The following COL26A1 variants were observed in gnomAD, a reference collection of about 807,000 sequenced individuals.
The protein encoded by COL26A1 is collagen alpha-1(XXVI) chain.
Under a neutral mutation model 59.3 loss-of-function variants are expected in COL26A1, and 41 were observed. The observed-to-expected ratio is 0.69, with a 90% CI of 0.54 to 0.90. The LOEUF (loss-of-function observed/expected upper bound fraction) is 0.90, where lower values mean the gene tolerates loss of function less well. COL26A1 is among the 40% of genes least tolerant of loss of function. The probability of loss-of-function intolerance (pLI) is 0.00; values close to 1 mark genes in which losing one functional copy is unlikely to be tolerated. For missense variants in COL26A1, 612 were observed against 602.3 expected (o/e 1.02, Z -0.17); for synonymous variants, 266 against 256.0 (o/e 1.04, Z -0.37).
At chr7:101,484,041 G>A (rs1794216192) in intron 3 of COL26A1, among the ~76,000 whole-genome samples, 1 of 141,382 alleles carries the variant, frequency 7.1e-6, no homozygotes. Flanking sequence ...GTGTAGACAA[G>A]GTCTCGCTGT....
chr7:101,443,394 G>GTTTT (rs2130363681), intron 2 of COL26A1, among the ~76,000 whole-genome samples: 1 of 152,194 alleles, frequency 6.6e-6, no homozygotes, highest in African/African-American at 2.4e-5. Context: ...AGAAATGAGC[G>GTTTT]TAACAGGATT....
intron 1 of COL26A1, among the ~76,000 whole-genome samples, chr7:101,405,606 C>T (rs116821749): frequency 1.8e-4 from 27 of 152,272 alleles, no homozygotes; most frequent in African/African-American, 6.0e-4. Context: ...ATGTGCTCCT[C>T]CCTGAATGCT....
At chr7:101,463,771 T>TTCTTTCTTTCTTTC (rs142635850) in intron 3 of COL26A1, among the ~76,000 whole-genome samples, 1 of 81,700 alleles carries the variant, frequency 1.2e-5, no homozygotes, top group Non-Finnish European at 2.2e-5. Context: ...TTTTCCTTCC[T>TTCTTTCTTTCTTTC]TCTTTCTTTC....
chr7:101,363,013 C>A lies in COL26A1; in HGVS notation c.-20C>A. Reference sequence around the variant, plus strand: ...GTCCTCGTGCCCGGGACTCCGGGTCCCCGCGGGCTGCTGCGCACGATGAAG... The same window carrying A: ...GTCCTCGTGCCCGGGACTCCGGGTCACCGCGGGCTGCTGCGCACGATGAAG... On this transcript the variant is annotated 5_prime_UTR_variant, in exon 1 of 13. Coordinates refer to ENST00000313669, the MANE Select transcript of COL26A1 (RefSeq NM_001278563.3). 6.4e-7 allele frequency: 1 copy of A among 1,564,618 alleles called. No individual in the cohort carries two copies. The highest frequency in any genetic ancestry group is 8.6e-7 in the Non-Finnish European group (1 of 1,165,310).
chr7:101,364,172 T>G (rs1199720373), intron 1 of COL26A1, among the ~76,000 whole-genome samples: 1 of 152,104 alleles, frequency 6.6e-6, no homozygotes, highest in Non-Finnish European at 1.5e-5. Context: ...GCATTTGAAT[T>G]TCCCCAGAAA....
At position 101,463,679 on chromosome 7, in the gene COL26A1, C is replaced by T. The variant is rs1205576318; in HGVS notation, c.385+15892C>T. 3.7e-5 allele frequency among the ~76,000 whole-genome samples: 4 copies of T among 108,304 alleles called. No homozygotes were observed. The Admixed American group carries it at 4.3e-4, about 12-fold the overall frequency. 71.1% of individuals were successfully genotyped at this position (108,304 alleles called of 152,430 possible). On this transcript the variant is annotated intron_variant, in intron 3 of 12. Transcript: ENST00000313669. ...CCTTCCATCCTTCCTTCCTCCCTCC[C>T]GTCCCCTTTCTTTCTTTTTCTCTCT... is the stretch of plus-strand genomic sequence containing the variant.
chr7:101,364,713 G>A (rs1562948823), intron 1 of COL26A1, among the ~76,000 whole-genome samples: 1 of 152,046 alleles, frequency 6.6e-6, no homozygotes, highest in Non-Finnish European at 1.5e-5. Context: ...GAGATCACAG[G>A]TGTACACCAT....
At chr7:101,489,973 A>G (rs1249615981) in intron 3 of COL26A1, among the ~76,000 whole-genome samples, 1 of 138,972 alleles carries the variant, frequency 7.2e-6, no homozygotes, top group Non-Finnish European at 1.5e-5. Context: ...GACTTGCACT[A>G]TTGCCCAGGC....
At chr7:101,420,502 G>A (rs983149211) in intron 2 of COL26A1, among the ~76,000 whole-genome samples, 2 of 152,082 alleles carry the variant, frequency 1.3e-5, no homozygotes, top group Admixed American at 1.3e-4. Flanking sequence ...ATCCATCACA[G>A]GCCTCGCCCC....
intron 1 of COL26A1, among the ~76,000 whole-genome samples, chr7:101,394,703 A>T (rs1471697571): frequency 6.7e-6 from 1 of 150,028 alleles, no homozygotes; most frequent in Non-Finnish European, 1.5e-5. Flanking sequence ...GATTACAGGA[A>T]TGAGCTGCTG....
In COL26A1 at chr7:101,539,937, C is replaced by T. The variant is rs368484612; in HGVS notation, c.492C>T (p.Asn164=). Residue 164 remains asparagine, a synonymous_variant, in exon 5 of 13, where the codon AAC becomes AAT. Coordinates refer to ENST00000313669, the MANE Select transcript of COL26A1 (RefSeq NM_001278563.3). ...CAGAACGGCCCTCCAGCCCGGACAA[C>T]GACCTGCCAGCCCCCGAGAGCACTC... ...EAAERPSSPD[N]DLPAPESTPP... The T allele has an allele frequency of 6.5e-5, 105 of 1,613,610 alleles. No homozygotes were observed. The highest frequency in any genetic ancestry group is 8.9e-5 in the East Asian group (4 of 44,846).
chr7:101,375,281 C>G (rs1351257912), intron 1 of COL26A1, among the ~76,000 whole-genome samples: 1 of 152,044 alleles, frequency 6.6e-6, no homozygotes, highest in Non-Finnish European at 1.5e-5. Flanking sequence ...TAATCAAGCG[C>G]TTAGAACAAT....
At chr7:101,415,019 G>A (rs1792339227) in intron 1 of COL26A1, among the ~76,000 whole-genome samples, 1 of 152,194 alleles carries the variant, frequency 6.6e-6, no homozygotes, top group African/African-American at 2.4e-5. Flanking sequence ...AACTAGGACT[G>A]TCTTTAAGCT....
chr7:101,457,523 A>G (rs114535510), intron 3 of COL26A1, among the ~76,000 whole-genome samples: 1,575 of 152,274 alleles, frequency 0.01, 30 homozygotes, highest in African/African-American at 0.036. Flanking sequence ...AAGTTAAACT[A>G]TAAGCTAAAT....
In COL26A1 at chr7:101,382,200, T is replaced by C. The variant is rs1187360717; in HGVS notation, c.158+19010T>C. Among the ~76,000 whole-genome samples the C allele has an allele frequency of 6.6e-5, 10 of 152,104 alleles. No individual in the cohort carries two copies. In the East Asian group the frequency reaches 1.9e-3, roughly 29 times the overall value. ...AGTGGCTGGGACTGCAGGTGCATGC[T>C]ACCATATCTGGTCAATTTTTAAATA... On this transcript the variant is annotated intron_variant, in intron 1 of 12. Transcript: ENST00000313669.
intron 3 of COL26A1, among the ~76,000 whole-genome samples, chr7:101,482,949 C>G (rs1053335198): frequency 6.6e-6 from 1 of 152,152 alleles, no homozygotes; most frequent in Non-Finnish European, 1.5e-5. Context: ...AAGTGAGACT[C>G]TGTCTCAAAA....
At chr7:101,470,411 A>G (rs576675596) in intron 3 of COL26A1, among the ~76,000 whole-genome samples, 29 of 151,852 alleles carry the variant, frequency 1.9e-4, no homozygotes, top group Admixed American at 7.9e-4. Context: ...GCCCTTTTCT[A>G]TTGGCATAGC....
At chr7:101,441,533 G>T (rs938380438) in intron 2 of COL26A1, among the ~76,000 whole-genome samples, 2 of 152,114 alleles carry the variant, frequency 1.3e-5, no homozygotes, top group African/African-American at 4.8e-5. Flanking sequence ...GGCCAGGCTG[G>T]TCTCGAACTC....
At chr7:101,429,707 C>T (rs1792736326) in intron 2 of COL26A1, among the ~76,000 whole-genome samples, 1 of 150,320 alleles carries the variant, frequency 6.7e-6, no homozygotes, top group African/African-American at 2.5e-5. Flanking sequence ...ATCCTCCTGC[C>T]TCAGCCTCCC....
Sources: allele counts gnomAD v4.1 joint callset (sites outside exome capture counted in the v4.1 genomes callset), GRCh38; gene constraint gnomAD v4.1.1; transcripts MANE v1.5; gene names NCBI Gene and HGNC (gene_info 2026-07-23, HGNC 2026-07-21).